KIF18A: variants seen among roughly 807,000 people sequenced by gnomAD.
KIF18A encodes kinesin-like protein KIF18A.
In KIF18A, 67 loss-of-function variants were observed where a neutral mutation model predicts 103.3. The observed-to-expected ratio is 0.65, with a 90% CI of 0.53 to 0.79. KIF18A has a LOEUF of 0.79. Among genes scored for constraint, KIF18A ranks in the 30% least tolerant of loss-of-function variants. The pLI, the probability that KIF18A is intolerant of heterozygous loss-of-function variation, is 0.00. For missense variants in KIF18A, 1,032 were observed against 1,062.5 expected, an observed-to-expected ratio of 0.97 and a Z score of 0.40; for synonymous variants, 367 against 355.5, an observed-to-expected ratio of 1.03 and a Z score of -0.36.
In KIF18A at chr11:28,021,115, G is replaced by T. The variant is rs950689126; in HGVS notation, c.*85C>A. On this transcript the variant is annotated 3_prime_UTR_variant, in exon 17 of 17. Coordinates refer to ENST00000263181, the MANE Select transcript of KIF18A (RefSeq NM_031217.4). ...GCTTTAAGATGGGTCTTCTTTCAAA[G>T]ATTTTAAATATATTTTTGAAAGGGT... is the stretch of plus-strand genomic sequence containing the variant. 6.4e-6 allele frequency: 8 copies of T among 1,252,164 alleles called. No individual in the cohort carries two copies. The highest frequency in any genetic ancestry group is 3.1e-5 in the African/African-American group (2 of 63,752). 77.6% of individuals were successfully genotyped at this position (1,252,164 alleles called of 1,614,324 possible). A position where few individuals can be genotyped will look rare whatever the true frequency, so the allele number is the denominator to read the frequency against.
In KIF18A at chr11:28,058,967, A is replaced by T; in HGVS notation, c.1907T>A (p.Met636Lys). The T allele has an allele frequency of 1.2e-6, 2 of 1,614,114 alleles. No homozygotes were observed. Among genetic ancestry groups the T allele is most frequent in the Non-Finnish European group, 1.7e-6 (2 of 1,179,978 alleles). Residue 636 changes from methionine to lysine, a missense_variant, in exon 13 of 17, where the codon ATG becomes AAG. By Grantham distance (95) the Met-to-Lys change is moderately conservative (BLOSUM62 -1). Transcript: ENST00000263181. ...QNDLPGISVL[M>K]TFPQLGPVQP... is the part of the protein sequence containing the mutation. Reference sequence around the variant, plus strand: ...AACTGGTCCAAGTTGTGGAAAGGTCATAAGAACAGAAATCCCTGGTAGATC... The same window carrying T: ...AACTGGTCCAAGTTGTGGAAAGGTCTTAAGAACAGAAATCCCTGGTAGATC...
chr11:28,101,093 T>C (rs192907138), intron 1 of KIF18A, among the ~76,000 whole-genome samples: 12 of 152,290 alleles, frequency 7.9e-5, no homozygotes, highest in Admixed American at 7.8e-4. Context: ...TTTTTCTCAA[T>C]GGGCTTATGA....
chr11:28,104,241 C>A (rs983432276), intron 1 of KIF18A, among the ~76,000 whole-genome samples: 2 of 152,146 alleles, frequency 1.3e-5, no homozygotes, highest in Non-Finnish European at 2.9e-5. Context: ...CATTTACCTG[C>A]TCCAAACTAT....
chr11:28,064,426 C>T (rs970972148), intron 11 of KIF18A, among the ~76,000 whole-genome samples: 1 of 151,944 alleles, frequency 6.6e-6, no homozygotes, highest in Non-Finnish European at 1.5e-5. Context: ...ATAGTGTGAA[C>T]ATGTTTGCCA....
chr11:28,022,489 G>C lies in KIF18A; in HGVS notation c.2615-1207C>G, dbSNP rs528255611. The stretch of plus-strand genomic sequence containing the variant: ...TCACCATGTTAGCCAGGATGGTCTC[G>C]ATCTCCTGACCTCGTGATCCACCCG... On this transcript the variant is annotated intron_variant, in intron 16 of 16. Coordinates refer to ENST00000263181, the MANE Select transcript of KIF18A (RefSeq NM_031217.4). Among the ~76,000 whole-genome samples the C allele has an allele frequency of 6.6e-5, 10 of 152,086 alleles. No homozygotes were observed. In the South Asian group the frequency reaches 1.9e-3, roughly 28 times the overall value.
chr11:28,020,915 T>G lies in KIF18A; in HGVS notation c.*285A>C. On this transcript the variant is annotated 3_prime_UTR_variant, in exon 17 of 17. Transcript: ENST00000263181. ...ATGTCCTAGTCAACTTGTTGTGGCATAGTAAAACTAAGCTGCCACCATGGT... is the reference window on the plus strand; with the variant it reads ...ATGTCCTAGTCAACTTGTTGTGGCAGAGTAAAACTAAGCTGCCACCATGGT... 1 of 179,706 alleles carries G rather than the reference T, an allele frequency of 5.6e-6. No individual in the cohort carries two copies. Among genetic ancestry groups the G allele is most frequent in the Non-Finnish European group, 1.2e-5 (1 of 86,800 alleles). The allele number at this position is 179,706 out of a possible 1,614,324, so 11.1% of individuals were successfully genotyped here. A position where few individuals can be genotyped will look rare whatever the true frequency, so the allele number is the denominator to read the frequency against.
Position 28,097,822 on chromosome 11 carries a change from T to C in KIF18A, c.126A>G (p.Leu42=), listed in dbSNP as rs1851394701. 1 of 1,613,254 alleles carries C rather than the reference T, an allele frequency of 6.2e-7. No homozygotes were observed. The highest frequency in any genetic ancestry group is 1.7e-5 in the Admixed American group (1 of 59,948). The change falls in exon 2 of 17, where the codon CTA becomes CTG. Residue 42 remains leucine, a synonymous_variant. Transcript: ENST00000263181. ...CTTCTTCTTGTTTGGGATCAAAAACTAGGATATGTTTATCCACAACATGAA... is the reference window on the plus strand; with the variant it reads ...CTTCTTCTTGTTTGGGATCAAAAACCAGGATATGTTTATCCACAACATGAA... ...KVVHVVDKHI[L]VFDPKQEEVS... is the part of the protein sequence containing the mutation.
intron 3 of KIF18A, 64 bp from the exon 4 acceptor site, chr11:28,091,577 A>T: frequency 1.3e-6 from 1 of 751,472 alleles, no homozygotes. Context: ...TACATCACAC[A>T]TACACTGCTA....
At position 28,094,791 on chromosome 11, in the gene KIF18A, T is replaced by C. The variant is rs140423727; in HGVS notation, c.335A>G (p.Tyr112Cys). 4 of 1,613,882 alleles carry C rather than the reference T, an allele frequency of 2.5e-6. No individual in the cohort carries two copies. The African/African-American group carries it at 4.0e-5, about 16-fold the overall frequency. Residue 112 changes from tyrosine (Y) to cysteine (C), a missense_variant, in exon 3 of 17, where the codon TAT (tyrosine) becomes TGT (cysteine). Transcript: ENST00000263181. ...LNGYNCTVLA[Y>C]GATGAGKTHT... ...GGTCTTCCCAGCACCAGTGGCACCA[T>C]AGGCAAGTACTGAGTTTTTAAGAAA... is the stretch of plus-strand genomic sequence containing the variant.
intron 6 of KIF18A, among the ~76,000 whole-genome samples, chr11:28,086,649 G>A (rs1404168782): frequency 7.2e-5 from 11 of 152,156 alleles, no homozygotes; most frequent in African/African-American, 2.7e-4. Flanking sequence ...GCCAGAAATA[G>A]GTCCTAGTTC....
chr11:28,096,583 G>C (rs1447529466), intron 2 of KIF18A, among the ~76,000 whole-genome samples: 1 of 152,100 alleles, frequency 6.6e-6, no homozygotes, highest in Non-Finnish European at 1.5e-5. Flanking sequence ...AAAATCTCTA[G>C]AGACATATGA....
chr11:28,055,711 CTG>C (rs1369826814), intron 13 of KIF18A, among the ~76,000 whole-genome samples: 3 of 152,094 alleles, frequency 2.0e-5, no homozygotes, highest in Non-Finnish European at 4.4e-5. Context: ...AAAGAAGGAA[CTG>C]TAAATATTCT....
In KIF18A at chr11:28,093,509, T is replaced by A. The variant is rs561574938; in HGVS notation, c.483+1134A>T. On this transcript the variant is annotated intron_variant, in intron 3 of 16. Transcript: ENST00000263181. ...ACACTATTTGAATGCAAAGTTAGAGTGTCTGCCACTTAGTTACCATTTGTT... is the reference window on the plus strand; with the variant it reads ...ACACTATTTGAATGCAAAGTTAGAGAGTCTGCCACTTAGTTACCATTTGTT... 2.0e-5 allele frequency among the ~76,000 whole-genome samples: 3 copies of A among 152,188 alleles called. No individual in the cohort carries two copies. The South Asian group carries it at 6.2e-4, about 32-fold the overall frequency.
chr11:28,074,816 A>G (rs529029653), intron 10 of KIF18A, among the ~76,000 whole-genome samples: 2 of 152,284 alleles, frequency 1.3e-5, no homozygotes, highest in Non-Finnish European at 1.5e-5. Context: ...GTTGTTACTT[A>G]TAAGATAAAG....
chr11:28,043,271 G>A (rs1193186761), intron 13 of KIF18A, among the ~76,000 whole-genome samples: 4 of 151,982 alleles, frequency 2.6e-5, no homozygotes, highest in Admixed American at 2.6e-4. Flanking sequence ...CAAAGGGGCA[G>A]ATTTCTAGCT....
Position 28,091,479 on chromosome 11 carries a change from T to A in KIF18A, c.518A>T (p.Asn173Ile). Residue 173 changes from asparagine to isoleucine, a missense_variant, in exon 4 of 17, where the codon AAT becomes ATT. Asn to Ile is a moderately radical substitution (Grantham distance 149). Transcript: ENST00000263181. ...YNEQIRDLLV[N>I]SGPLAVREDT... is the part of the protein sequence containing the mutation. ...TTCCCGGACAGCAAGTGGCCCTGAA[T>A]TTACTAAGAGATCACGAATCTGTTC... The A allele has an allele frequency of 6.2e-7, 1 of 1,610,814 alleles. No homozygotes were observed. Among genetic ancestry groups the A allele is most frequent in the Non-Finnish European group, 8.5e-7 (1 of 1,177,406 alleles).
intron 13 of KIF18A, among the ~76,000 whole-genome samples, chr11:28,057,391 T>C (rs954424440): frequency 6.6e-6 from 1 of 152,096 alleles, no homozygotes; most frequent in Non-Finnish European, 1.5e-5. Flanking sequence ...GGCGGGCACC[T>C]GTAGTCCCAG....
intron 10 of KIF18A, among the ~76,000 whole-genome samples, chr11:28,076,229 T>C (rs1342774858): frequency 6.6e-6 from 1 of 152,122 alleles, no homozygotes; most frequent in African/African-American, 2.4e-5. Flanking sequence ...TAAAACTGAT[T>C]AAATGTTTGG....
chr11:28,094,643 C>T lies in KIF18A; in HGVS notation c.483G>A (p.Glu161=). ...TGATTAATCTAAATTCCCAACTTAC[C>T]TCCAGATATGAAACTGCAGTACTAC... ...KICSTAVSYL[E]VYNEQIRDLL... Residue 161 remains glutamate (E), a splice_region_variant and synonymous_variant, in exon 3 of 17, where the codon GAG becomes GAA. Transcript: ENST00000263181. The T allele has an allele frequency of 6.2e-7, 1 of 1,602,618 alleles. No individual in the cohort carries two copies. Among genetic ancestry groups the T allele is most frequent in the Non-Finnish European group, 8.5e-7 (1 of 1,170,884 alleles).
Sources: gnomAD v4.1 joint callset for allele counts (sites outside exome capture counted in the v4.1 genomes callset) on GRCh38, gnomAD v4.1.1 for gene constraint, MANE v1.5 for transcripts, NCBI Gene and HGNC (gene_info 2026-07-23, HGNC 2026-07-21) for gene names.